The following ANKRD12 variants were observed in gnomAD, a reference collection of about 807,000 sequenced individuals.
ANKRD12 encodes ankyrin repeat domain-containing protein 12.
ANKRD12 carries 85 observed loss-of-function variants against 183.4 expected under a neutral mutation model. That is an observed-to-expected ratio of 0.46 (90% CI 0.39 to 0.56). ANKRD12 has a LOEUF of 0.56. Ranked by LOEUF, ANKRD12 falls within the 20% of genes least tolerant of loss-of-function variation. The probability of loss-of-function intolerance (pLI) is 0.00; values close to 1 mark genes in which losing one functional copy is unlikely to be tolerated. For missense variants in ANKRD12, 2,405 were observed against 2,357.1 expected, an observed-to-expected ratio of 1.02 and a Z score of -0.42; for synonymous variants, 914 against 800.2, an observed-to-expected ratio of 1.14 and a Z score of -2.40.
intron 8 of ANKRD12, among the ~76,000 whole-genome samples, chr18:9,247,640 A>G (rs951388007): frequency 5.3e-5 from 8 of 152,136 alleles, no homozygotes; most frequent in Non-Finnish European, 1.0e-4. Context: ...AATATATCTT[A>G]GTATCTTTTA....
intron 1 of ANKRD12, among the ~76,000 whole-genome samples, chr18:9,160,676 ATTC>A (rs564355695): frequency 1.1e-3 from 164 of 152,340 alleles, no homozygotes; most frequent in Admixed American, 2.2e-3. Context: ...TTTAAAAAGT[ATTC>A]TTCTTGCTTC....
At chr18:9,176,535 T>C (rs1395458333) in intron 1 of ANKRD12, among the ~76,000 whole-genome samples, 1 of 151,968 alleles carries the variant, frequency 6.6e-6, no homozygotes, top group African/African-American at 2.4e-5. Context: ...AAGCAGTCTG[T>C]CTGCCTCAGC....
intron 2 of ANKRD12, among the ~76,000 whole-genome samples, chr18:9,187,661 CT>C (rs1220163983): frequency 1.3e-5 from 2 of 152,190 alleles, no homozygotes; most frequent in Non-Finnish European, 1.5e-5. Flanking sequence ...ACACCTTTCA[CT>C]GCTCATCTGT....
chr18:9,264,185 C>T (rs1438851122), intron 10 of ANKRD12, among the ~76,000 whole-genome samples: 2 of 152,142 alleles, frequency 1.3e-5, no homozygotes, highest in African/African-American at 4.8e-5. Context: ...ATTTGGCTTT[C>T]CAAGTTTTGG....
intron 10 of ANKRD12, among the ~76,000 whole-genome samples, chr18:9,272,109 T>C (rs2039633125): frequency 6.6e-6 from 1 of 152,148 alleles, no homozygotes; most frequent in Admixed American, 6.6e-5. Context: ...CCATAACCTA[T>C]CCTTAGAGGA....
chr18:9,164,594 G>A (rs909043182), intron 1 of ANKRD12, among the ~76,000 whole-genome samples: 11 of 152,190 alleles, frequency 7.2e-5, no homozygotes, highest in Admixed American at 3.9e-4. Flanking sequence ...ATTCTAGTAC[G>A]TTGTCTCTTT....
rs199883340 is a variant in ANKRD12, at chr18:9,258,567, C to G, written c.5300C>G (p.Pro1767Arg). The change falls in exon 9 of 13, where the codon CCT becomes CGT. Residue 1767 changes from proline (P) to arginine (R), a missense_variant. Around this residue, in one of 7 missense-constraint regions of ANKRD12, gnomAD observed 1,983 missense variants for 1,725.9 expected, o/e 1.15. Coordinates refer to ENST00000262126, the MANE Select transcript of ANKRD12 (RefSeq NM_015208.5). Reference sequence around the variant, plus strand: ...GAAAAAGACAGTGAATCCTCATCTCCTAGAGGAAGAATAAGATTAACTGAA... The same window carrying G: ...GAAAAAGACAGTGAATCCTCATCTCGTAGAGGAAGAATAAGATTAACTGAA... Reference protein sequence around the residue: ...LSEKDSESSSPRGRIRLTEDD... With the variant: ...LSEKDSESSSRRGRIRLTEDD... 1.2e-6 allele frequency: 2 copies of G among 1,613,810 alleles called. No individual in the cohort carries two copies. The highest frequency in any genetic ancestry group is 1.7e-5 in the Admixed American group (1 of 59,912).
intron 1 of ANKRD12, among the ~76,000 whole-genome samples, chr18:9,153,356 C>T (rs924740964): frequency 6.6e-6 from 1 of 152,176 alleles, no homozygotes; most frequent in Non-Finnish European, 1.5e-5. Flanking sequence ...GTTTTCTTAT[C>T]TCTGATGTTA....
intron 3 of ANKRD12, among the ~76,000 whole-genome samples, chr18:9,202,251 G>C (rs1423175180): frequency 1.3e-5 from 2 of 152,192 alleles, no homozygotes; most frequent in Admixed American, 6.5e-5. Flanking sequence ...ATCTCTGCCA[G>C]CCAGCCTTAG....
chr18:9,139,936 G>T (rs1317203781), intron 1 of ANKRD12, among the ~76,000 whole-genome samples: 1 of 152,158 alleles, frequency 6.6e-6, no homozygotes, highest in Non-Finnish European at 1.5e-5. Context: ...CTGTGAAGAT[G>T]CTAATTTGCC....
intron 1 of ANKRD12, among the ~76,000 whole-genome samples, chr18:9,167,130 TA>T (rs2032161199): frequency 6.6e-6 from 1 of 152,236 alleles, no homozygotes; most frequent in African/African-American, 2.4e-5. Flanking sequence ...CCTTGTAGTA[TA>T]GTTTGAAGTC....
At position 9,283,934 on chromosome 18, in the gene ANKRD12, A is replaced by AT. The variant is rs1178000870; in HGVS notation, c.*2809dup. 2 of 152,218 alleles carry AT rather than the reference A, an allele frequency of 1.3e-5. No individual in the cohort carries two copies. Among genetic ancestry groups the AT allele is most frequent in the African/African-American group, 4.8e-5 (2 of 41,462 alleles). The allele number at this position is 152,218 out of a possible 1,614,324, so 9.4% of individuals were successfully genotyped here. On this transcript the variant is annotated 3_prime_UTR_variant, in exon 13 of 13. Coordinates refer to ENST00000262126, the MANE Select transcript of ANKRD12 (RefSeq NM_015208.5). ...CACAAGTGAATTTTTAAGTACAGGCATACCTCAGACGTACTTTAGGTTCCA... is the reference window on the plus strand; with the variant it reads ...CACAAGTGAATTTTTAAGTACAGGCATTACCTCAGACGTACTTTAGGTTCCA...
At chr18:9,231,930 A>G (rs1033999985) in intron 8 of ANKRD12, among the ~76,000 whole-genome samples, 1 of 141,342 alleles carries the variant, frequency 7.1e-6, no homozygotes, top group Non-Finnish European at 1.6e-5. Flanking sequence ...TTCAATCTGT[A>G]TGTGTCCTCA....
rs117539715 is a variant in ANKRD12, at chr18:9,257,371, T to A, written c.4104T>A (p.Ser1368Arg). The change falls in exon 9 of 13, where the codon AGT (serine) becomes AGA (arginine). Residue 1368 changes from serine (S) to arginine (R), a missense_variant. Ser to Arg is a moderately radical substitution (Grantham distance 110, BLOSUM62 -1). Coordinates refer to ENST00000262126, the MANE Select transcript of ANKRD12 (RefSeq NM_015208.5). ...CAAATGTATCTAACATACATTCCAG[T>A]TTTGCAACTTCTCCAACTGGAGCTT... ...DLSNVSNIHS[S>R]FATSPTGASN... The A allele has an allele frequency of 2.5e-6, 4 of 1,614,118 alleles. No homozygotes were observed. Among genetic ancestry groups the A allele is most frequent in the Non-Finnish European group, 3.4e-6 (4 of 1,180,002 alleles).
chr18:9,191,942 C>T (rs954991703), intron 2 of ANKRD12, among the ~76,000 whole-genome samples: 1 of 152,100 alleles, frequency 6.6e-6, no homozygotes, highest in African/African-American at 2.4e-5. Context: ...GCCTGCTTAC[C>T]CTGCTTCACA....
intron 4 of ANKRD12, 59 bp from the exon 5 acceptor site, chr18:9,208,592 TCTTAAA>T (rs2035613912): frequency 2.1e-6 from 3 of 1,451,342 alleles, no homozygotes. Context: ...AAAAAATTCA[TCTTAAA>T]CTTGCTTTTG....
intron 2 of ANKRD12, among the ~76,000 whole-genome samples, chr18:9,183,282 T>C (rs368265848): frequency 1.6e-4 from 25 of 152,358 alleles, no homozygotes; most frequent in African/African-American, 5.8e-4. Flanking sequence ...AAGTACCTGC[T>C]AGGATTTTGA....
chr18:9,140,101 C>T (rs758899565), intron 1 of ANKRD12, among the ~76,000 whole-genome samples: 42 of 152,188 alleles, frequency 2.8e-4, no homozygotes, highest in Non-Finnish European at 5.7e-4. Flanking sequence ...CTATCAGCTG[C>T]AACTTTAAAA....
intron 1 of ANKRD12, among the ~76,000 whole-genome samples, chr18:9,154,111 AT>A (rs1410544335): frequency 6.6e-6 from 1 of 152,076 alleles, no homozygotes; most frequent in Non-Finnish European, 1.5e-5. Context: ...ATATAATTTG[AT>A]TTTTAGTTTT....
Sources: gnomAD v4.1 joint callset for allele counts (sites outside exome capture counted in the v4.1 genomes callset) on GRCh38, gnomAD v4.1.1 for gene constraint, gnomAD v4.1.1 regional missense constraint, MANE v1.5 for transcripts, NCBI Gene and HGNC (gene_info 2026-07-23, HGNC 2026-07-21) for gene names.